The following POMT2 variants were observed in gnomAD, a reference collection of about 807,000 sequenced individuals.
POMT2 encodes protein O-mannosyltransferase 2, also known as protein O-mannosyl-transferase 2.
Under a neutral mutation model 100.0 loss-of-function variants are expected in POMT2, and 75 were observed. The ratio of observed to expected loss-of-function variants is 0.75; its 90% confidence interval spans 0.62 to 0.91. The LOEUF is 0.91. Among genes scored for constraint, POMT2 ranks in the 40% least tolerant of loss-of-function variants. The pLI is 0.00. For synonymous variants in POMT2, 378 were observed against 374.1 expected, an observed-to-expected ratio of 1.01 and a Z score of -0.12; for missense variants, 940 against 955.1, an observed-to-expected ratio of 0.98 and a Z score of 0.21.
intron 1 of POMT2, 124 bp downstream of exon 1, chr14:77,320,310 C>G (rs1246622992): frequency 6.6e-7 from 1 of 1,504,228 alleles, no homozygotes; most frequent in Non-Finnish European, 8.9e-7. Context: ...CCCGATACCT[C>G]AAGTTCCCCT....
chr14:77,285,733 A>G, intron 12 of POMT2, 101 bp from the exon 13 acceptor site: 1 of 1,398,050 alleles, frequency 7.2e-7, no homozygotes. Flanking sequence ...CATGTTATGA[A>G]GGTCAAAGAC....
intron 10 of POMT2, 86 bp downstream of exon 10, chr14:77,291,228 G>T (rs972399470): frequency 1.5e-6 from 2 of 1,324,556 alleles, no homozygotes; most frequent in Non-Finnish European, 2.1e-6. Context: ...CCCATCTCAG[G>T]ATCATTCTTT....
At chr14:77,316,566 TAAAAAAAAAAA>T (rs60771363) in intron 1 of POMT2, among the ~76,000 whole-genome samples, 53 of 77,584 alleles carry the variant, frequency 6.8e-4, no homozygotes, top group African/African-American at 2.6e-3. Context: ...ATCTCATCTC[TAAAAAAAAAAA>T]AAAAAAAAAA....
rs767565365 is a variant in POMT2 at position 77,299,528 on chromosome 14, G to C, written c.850C>G (p.Leu284Val). Residue 284 changes from leucine to valine, a missense_variant, in exon 7 of 21, where the codon CTG becomes GTG. By Grantham distance (32) the Leu-to-Val change is conservative. Coordinates refer to ENST00000261534, the MANE Select transcript of POMT2 (RefSeq NM_013382.7). The stretch of plus-strand genomic sequence containing the variant: ...GCCAGGGGCAGCACTATGAGGCACA[G>C]GACACGAGCAGTCAGGTGTTTTCCC... Reference protein sequence around the residue: ...TVGKHLTARVLCLIVLPLALY... With the variant: ...TVGKHLTARVVCLIVLPLALY... 2 of 1,614,182 alleles carry C rather than the reference G, an allele frequency of 1.2e-6. No individual in the cohort carries two copies. Among genetic ancestry groups the C allele is most frequent in the Non-Finnish European group, 1.7e-6 (2 of 1,180,018 alleles).
In POMT2 at chr14:77,285,774, G is replaced by A. The variant is rs1714610051; in HGVS notation, c.1333-142C>T. Reference sequence around the variant, plus strand: ...TAGGCTCAATGATAGAGATGGGCAAGGTTACAAGAAGGCCAAAGAAATATC... The same window carrying A: ...TAGGCTCAATGATAGAGATGGGCAAAGTTACAAGAAGGCCAAAGAAATATC... On this transcript the variant is annotated intron_variant, in intron 12 of 20. Transcript: ENST00000261534. 3.9e-6 allele frequency: 4 copies of A among 1,025,790 alleles called. No individual in the cohort carries two copies. The African/African-American group carries it at 6.3e-5, about 16-fold the overall frequency. 63.5% of individuals were successfully genotyped at this position (1,025,790 alleles called of 1,614,324 possible). A position where few individuals can be genotyped will look rare whatever the true frequency, so the allele number is the denominator to read the frequency against.
chr14:77,287,561 T>TATACAC (rs33924388), intron 11 of POMT2: 1 of 135,670 alleles, frequency 7.4e-6, no homozygotes, highest in Non-Finnish European at 1.5e-5. Flanking sequence ...TATATATATA[T>TATACAC]ACCCACACAC....
At chr14:77,285,240 A>T (rs1024132777) in intron 13 of POMT2, 199 bp from the exon 14 acceptor site, 3 of 711,068 alleles carry the variant, frequency 4.2e-6, no homozygotes, top group Admixed American at 2.7e-5. Flanking sequence ...ACATAGACCC[A>T]GAGAGTTATT....
At chr14:77,320,084 T>A (rs571351329) in intron 1 of POMT2, among the ~76,000 whole-genome samples, 1 of 152,312 alleles carries the variant, frequency 6.6e-6, no homozygotes, top group East Asian at 1.9e-4. Flanking sequence ...ACATAGGAAC[T>A]CAGGCCTTAG....
intron 15 of POMT2, 26 bp downstream of exon 15, chr14:77,283,771 C>T (rs773807772): frequency 6.4e-7 from 1 of 1,566,060 alleles, no homozygotes; most frequent in East Asian, 2.2e-5. Flanking sequence ...CTTAGAGACG[C>T]CATGAAATGA....
intron 1 of POMT2, among the ~76,000 whole-genome samples, chr14:77,315,778 G>A (rs1274107371): frequency 4.6e-5 from 7 of 152,240 alleles, no homozygotes; most frequent in African/African-American, 1.7e-4. Context: ...TTGGGAGGCC[G>A]AGGCGGGCGG....
At chr14:77,305,780 A>T (rs150245920) in intron 3 of POMT2, among the ~76,000 whole-genome samples, 2 of 152,334 alleles carry the variant, frequency 1.3e-5, no homozygotes, top group African/African-American at 4.8e-5. Context: ...TGGTGCTGTA[A>T]ATCAGGACAC....
At position 77,285,485 on chromosome 14, in the gene POMT2, T is replaced by C; in HGVS notation, c.1480A>G (p.Lys494Glu). 1.9e-6 allele frequency: 3 copies of C among 1,614,058 alleles called. No homozygotes were observed. The highest frequency in any genetic ancestry group is 2.5e-6 in the Non-Finnish European group (3 of 1,179,946). ...VLGSSGKVLP[K>E]WGWEQLEVTC... ...AGCAAAACCCTAGAGACTTACCACT[T>C]GGGCAGAACCTTTCCCGAGGAGCCC... Residue 494 changes from lysine to glutamate, a missense_variant, in exon 13 of 21, where the codon AAG (lysine) becomes GAG (glutamate). By Grantham distance (56) the Lys-to-Glu change is moderately conservative. Coordinates refer to ENST00000261534, the MANE Select transcript of POMT2 (RefSeq NM_013382.7).
intron 18 of POMT2, chr14:77,279,344 GC>G (rs891206479): frequency 1.6e-5 from 6 of 367,388 alleles, no homozygotes; most frequent in Non-Finnish European, 2.6e-5. Flanking sequence ...TGGTCTGGCA[GC>G]CAAAGTTACC....
intron 1 of POMT2, among the ~76,000 whole-genome samples, chr14:77,317,713 G>A (rs1891682579): frequency 6.6e-6 from 1 of 152,220 alleles, no homozygotes. Flanking sequence ...AAGGGGTGGA[G>A]GGTTATATAA....
At chr14:77,313,198 A>G (rs557369107) in intron 1 of POMT2, among the ~76,000 whole-genome samples, 1 of 152,344 alleles carries the variant, frequency 6.6e-6, no homozygotes, top group Admixed American at 6.5e-5. Flanking sequence ...AGCAGTCATT[A>G]TTGACCTACT....
intron 4 of POMT2, among the ~76,000 whole-genome samples, chr14:77,304,311 A>G (rs1286212549): frequency 6.6e-6 from 1 of 152,184 alleles, no homozygotes; most frequent in Non-Finnish European, 1.5e-5. Flanking sequence ...TTCAGTTGAA[A>G]TTAGTTAAGG....
At chr14:77,305,814 G>A (rs1891205999) in intron 3 of POMT2, among the ~76,000 whole-genome samples, 1 of 152,212 alleles carries the variant, frequency 6.6e-6, no homozygotes, top group African/African-American at 2.4e-5. Flanking sequence ...CAGACATTTG[G>A]CCTCCCTTCA....
chr14:77,284,333 C>T (rs1890340129), intron 14 of POMT2: 1 of 221,408 alleles, frequency 4.5e-6, no homozygotes, highest in African/African-American at 2.3e-5. Context: ...CATGTGGTTC[C>T]TGGCATACTT....
In POMT2 at chr14:77,277,213, G is replaced by C. The variant is rs1367518839; in HGVS notation, c.*163C>G. 1 of 671,700 alleles carries C rather than the reference G, an allele frequency of 1.5e-6. No homozygotes were observed. The highest frequency in any genetic ancestry group is 1.8e-5 in the African/African-American group (1 of 56,652). The allele number at this position is 671,700 out of a possible 1,614,324, so 41.6% of individuals were successfully genotyped here. A position where few individuals can be genotyped will look rare whatever the true frequency, so the allele number is the denominator to read the frequency against. On this transcript the variant is annotated 3_prime_UTR_variant, in exon 21 of 21. Coordinates refer to ENST00000261534, the MANE Select transcript of POMT2 (RefSeq NM_013382.7). ...CGGCTCTCTCCCGGCTCTCTCCAAT[G>C]CTGGGTTCCATTCCAGCTGCACTCC... is the stretch of plus-strand genomic sequence containing the variant.
Sources: gnomAD v4.1 joint callset for allele counts (sites outside exome capture counted in the v4.1 genomes callset) on GRCh38, gnomAD v4.1.1 for gene constraint, MANE v1.5 for transcripts, NCBI Gene and HGNC (gene_info 2026-07-23, HGNC 2026-07-21) for gene names.